Variants in MYO16 observed in about 807,000 individuals in gnomAD.
The protein encoded by MYO16 is unconventional myosin-XVI.
In MYO16, 94 loss-of-function variants were observed where a neutral mutation model predicts 205.3. The ratio of observed to expected loss-of-function variants is 0.46; its 90% CI spans 0.39 to 0.54. MYO16 has a LOEUF of 0.54. Ranked by LOEUF, MYO16 falls within the 20% of genes least tolerant of loss-of-function variation. The pLI, the probability that MYO16 is intolerant of heterozygous loss-of-function variation, is 0.00. For synonymous variants in MYO16, 988 were observed against 954.0 expected (o/e 1.04, Z -0.66); for missense variants, 2,315 against 2,387.5 (o/e 0.97, Z 0.63).
At chr13:108,891,678 T>A (rs567267050) in intron 14 of MYO16, among the ~76,000 whole-genome samples, 8 of 152,368 alleles carry the variant, frequency 5.3e-5, no homozygotes, top group African/African-American at 1.9e-4. Flanking sequence ...GATGCTGACA[T>A]GTGTCTGGCC....
chr13:108,683,712 AAC>A (rs1275204390), intron 2 of MYO16, among the ~76,000 whole-genome samples: 2 of 152,214 alleles, frequency 1.3e-5, no homozygotes, highest in Admixed American at 6.5e-5. Flanking sequence ...AAAGATCACA[AAC>A]ACAATTTTAC....
At chr13:108,684,844 C>T (rs771823579) in intron 2 of MYO16, among the ~76,000 whole-genome samples, 2 of 152,182 alleles carry the variant, frequency 1.3e-5, no homozygotes, top group Non-Finnish European at 2.9e-5. Context: ...GCCTGGTGAG[C>T]CTGGAAGCTC....
intron 4 of MYO16, among the ~76,000 whole-genome samples, chr13:108,748,962 T>A (rs1379964041): frequency 6.6e-6 from 1 of 152,156 alleles, no homozygotes; most frequent in Non-Finnish European, 1.5e-5. Flanking sequence ...AGCCCATGAA[T>A]GAAAAATTGA....
chr13:108,971,677 A>G (rs908031760), intron 20 of MYO16, among the ~76,000 whole-genome samples: 1 of 152,016 alleles, frequency 6.6e-6, no homozygotes, highest in African/African-American at 2.4e-5. Context: ...GAATTCTTAT[A>G]TTACATTCTT....
intron 4 of MYO16, among the ~76,000 whole-genome samples, chr13:108,755,397 A>AT (rs1350032611): frequency 6.6e-6 from 1 of 152,162 alleles, no homozygotes; most frequent in African/African-American, 2.4e-5. Flanking sequence ...AAAAGGTTTC[A>AT]TTTTTATGAG....
At chr13:108,806,901 CATT>C in intron 7 of MYO16, 97 bp downstream of exon 7, 4 of 930,978 alleles carry the variant, frequency 4.3e-6, no homozygotes, top group Non-Finnish European at 4.3e-6. Context: ...ACGTACTAAT[CATT>C]ATTGTAATTT....
At chr13:108,970,850 T>G (rs1336584701) in intron 20 of MYO16, among the ~76,000 whole-genome samples, 1 of 152,132 alleles carries the variant, frequency 6.6e-6, no homozygotes, top group East Asian at 1.9e-4. Flanking sequence ...CTTTCCCAAG[T>G]GTGCCTCTTA....
chr13:108,810,580 G>A (rs774984427), intron 7 of MYO16, among the ~76,000 whole-genome samples: 1 of 152,096 alleles, frequency 6.6e-6, no homozygotes, highest in Non-Finnish European at 1.5e-5. Context: ...CTCTCAAAAA[G>A]ATGTCATTTA....
intron 4 of MYO16, among the ~76,000 whole-genome samples, chr13:108,735,825 G>A (rs1020621931): frequency 4.6e-5 from 7 of 151,384 alleles, no homozygotes; most frequent in Non-Finnish European, 8.9e-5. Flanking sequence ...ACTTTTTAAT[G>A]ATCACCATTC....
At chr13:108,765,520 A>G (rs999646582) in intron 4 of MYO16, among the ~76,000 whole-genome samples, 8 of 152,056 alleles carry the variant, frequency 5.3e-5, no homozygotes, top group Admixed American at 5.2e-4. Flanking sequence ...ACTCTTTTAG[A>G]TGGTTCTCCT....
chr13:108,623,893 TG>T (rs1879631381), intron 1 of MYO16, among the ~76,000 whole-genome samples: 2 of 152,000 alleles, frequency 1.3e-5, no homozygotes, highest in African/African-American at 4.8e-5. Context: ...GACTGGTACA[TG>T]AAAAAAATGA....
At chr13:109,204,776 C>A (rs905749259) in intron 34 of MYO16, among the ~76,000 whole-genome samples, 4 of 152,192 alleles carry the variant, frequency 2.6e-5, no homozygotes, top group African/African-American at 9.7e-5. Flanking sequence ...GCCAGATTAC[C>A]TGACTGCCCT....
rs115655332 is a variant in MYO16 at position 109,098,977 on chromosome 13, C to T, written c.3336-1808C>T. Among the ~76,000 whole-genome samples the T allele has an allele frequency of 7.1e-3, 1,085 of 152,274 alleles. 12 individuals are homozygous for T. The highest frequency in any genetic ancestry group is 0.025 in the African/African-American group (1,020 of 41,536). Reference sequence around the variant, plus strand: ...ATTCCAATTTTCTTCAAATGTCAAACGACCCTAGAATGTTCGACCTTGAGT... The same window carrying T: ...ATTCCAATTTTCTTCAAATGTCAAATGACCCTAGAATGTTCGACCTTGAGT... On this transcript the variant is annotated intron_variant, in intron 27 of 34. Transcript: ENST00000457511.
chr13:108,721,031 T>C (rs1041326247), intron 3 of MYO16, among the ~76,000 whole-genome samples: 3 of 152,194 alleles, frequency 2.0e-5, no homozygotes. Context: ...AAGTTCGAAG[T>C]TCCCTTTGCT....
chr13:108,833,125 T>C (rs1876714975), intron 9 of MYO16, among the ~76,000 whole-genome samples: 1 of 152,114 alleles, frequency 6.6e-6, no homozygotes. Flanking sequence ...TTTTTGCATA[T>C]ATCTGTTGAG....
rs139224149 is a variant in MYO16 at position 108,888,442 on chromosome 13, G to A, written c.1624G>A (p.Ala542Thr). 2.0e-4 allele frequency: 322 copies of A among 1,610,142 alleles called. No individual in the cohort carries two copies. The African/African-American group carries it at 3.7e-3, about 19-fold the overall frequency. ...AAGACACCTCACCTGCAGGGCTGGC[G>A]CCAGCAGGGCCACACTGGATTCCAG... ...IIRHLTCRAG[A>T]SRATLDSRFK... is the part of the protein sequence containing the mutation. The change falls in exon 14 of 35, where the codon GCC becomes ACC. Residue 542 changes from alanine to threonine, a missense_variant. Around this residue, in one of 3 missense-constraint regions of MYO16, gnomAD observed 1,213 missense variants for 1,274.4 expected, o/e 0.95. Coordinates refer to ENST00000457511, the MANE Select transcript of MYO16 (RefSeq NM_001198950.3).
chr13:109,099,411 C>T (rs1048849161), intron 27 of MYO16, among the ~76,000 whole-genome samples: 2 of 152,100 alleles, frequency 1.3e-5, no homozygotes, highest in African/African-American at 4.8e-5. Context: ...CAATATCAAA[C>T]GGCAAATTTC....
the MYO16 span, among the ~76,000 whole-genome samples, chr13:108,521,686 C>T: frequency 6.6e-6 from 1 of 152,116 alleles, no homozygotes; most frequent in East Asian, 1.9e-4. Context: ...CATTTGGGAC[C>T]TTAAGTAGCT....
At chr13:108,922,065 C>G (rs144520812) in intron 16 of MYO16, among the ~76,000 whole-genome samples, 2 of 152,210 alleles carry the variant, frequency 1.3e-5, no homozygotes, top group Non-Finnish European at 2.9e-5. Context: ...TTGCTCCTAG[C>G]GTACGTCTCT....
Sources: allele counts gnomAD v4.1 joint callset (sites outside exome capture counted in the v4.1 genomes callset), GRCh38; gene constraint gnomAD v4.1.1; regional missense constraint gnomAD v4.1.1; transcripts MANE v1.5; gene names NCBI Gene and HGNC (gene_info 2026-07-23, HGNC 2026-07-21).